Variants in MBNL1 observed in about 807,000 individuals in gnomAD.
The protein encoded by MBNL1 is muscleblind-like protein 1.
A neutral mutation model predicts 42.2 loss-of-function variants in MBNL1; 8 were observed. That is an observed-to-expected ratio of 0.19 (90% CI 0.11 to 0.34). The LOEUF is 0.34. MBNL1 is among the 10% of genes least tolerant of loss of function. The pLI is 1.00. For missense variants in MBNL1, 309 were observed against 495.3 expected (o/e 0.62, Z 3.57); for synonymous variants, 169 against 173.9 (o/e 0.97, Z 0.22).
At chr3:152,394,031 T>G (rs1199937966) in intron 2 of MBNL1, among the ~76,000 whole-genome samples, 4 of 152,188 alleles carry the variant, frequency 2.6e-5, no homozygotes, top group African/African-American at 4.8e-5. Flanking sequence ...ATCACTGACA[T>G]TCAGTTCATC....
At chr3:152,250,462 T>C (rs960750572) in intron 2 of MBNL1, among the ~76,000 whole-genome samples, 5 of 152,050 alleles carry the variant, frequency 3.3e-5, no homozygotes, top group African/African-American at 1.2e-4. Context: ...TTTTTGTGCA[T>C]TGATTTTGTA....
chr3:152,318,225 A>G (rs141434550), intron 2 of MBNL1, among the ~76,000 whole-genome samples: 92 of 152,336 alleles, frequency 6.0e-4, no homozygotes, highest in Non-Finnish European at 1.0e-3. Context: ...TGTTCTAGAG[A>G]AAAACAGGTC....
intron 4 of MBNL1, among the ~76,000 whole-genome samples, chr3:152,434,649 A>C (rs1294881111): frequency 6.6e-6 from 1 of 152,208 alleles, no homozygotes; most frequent in African/African-American, 2.4e-5. Flanking sequence ...TGGTTGAATT[A>C]ATTTGCACTC....
In MBNL1 at chr3:152,412,440, A is replaced by ATG. The variant is rs2098603463; in HGVS notation, c.175-2500_175-2499insGT. 2.0e-5 allele frequency among the ~76,000 whole-genome samples: 3 copies of ATG among 152,154 alleles called. No homozygotes were observed. In the South Asian group the frequency reaches 6.2e-4, roughly 32 times the overall value. On this transcript the variant is annotated intron_variant, in intron 2 of 9. Transcript: ENST00000324210. ...CTGTGGGAGAGTCTTGGTAGTCTGT[A>ATG]TACGTTCTCACCAAATATCAGTTGA...
At chr3:152,273,905 A>G (rs1489693169) in intron 1 of MBNL1, among the ~76,000 whole-genome samples, 1 of 152,218 alleles carries the variant, frequency 6.6e-6, no homozygotes, top group African/African-American at 2.4e-5. Context: ...TATGTAACGC[A>G]TGCATGAGCA....
chr3:152,332,457 AT>A (rs1275243616), intron 2 of MBNL1, among the ~76,000 whole-genome samples: 1 of 152,196 alleles, frequency 6.6e-6, no homozygotes. Context: ...TTGTCTAGCA[AT>A]TAGGTACAGA....
intron 2 of MBNL1, among the ~76,000 whole-genome samples, chr3:152,389,644 T>C (rs1219899918): frequency 6.6e-6 from 1 of 152,122 alleles, no homozygotes; most frequent in Non-Finnish European, 1.5e-5. Context: ...AAAGGCACAG[T>C]AAACATATGG....
chr3:152,267,817 G>C (rs1185921870), upstream of MBNL1: 4 of 152,100 alleles, frequency 2.6e-5, no homozygotes, highest in Admixed American at 2.0e-4. Context: ...CCTTCACCTC[G>C]AGCTGGCCTC....
chr3:152,350,332 G>A (rs1049015345), intron 2 of MBNL1, among the ~76,000 whole-genome samples: 1 of 151,952 alleles, frequency 6.6e-6, no homozygotes, highest in Admixed American at 6.6e-5. Flanking sequence ...GAGAGAGGAG[G>A]TAGAATTCAG....
At chr3:152,419,877 C>T (rs151040238) in intron 3 of MBNL1, among the ~76,000 whole-genome samples, 25 of 152,258 alleles carry the variant, frequency 1.6e-4, no homozygotes, top group Non-Finnish European at 2.6e-4. Flanking sequence ...GAAATTCTTG[C>T]TGCCAGCACC....
chr3:152,429,746 T>C (rs1580303806), intron 3 of MBNL1, among the ~76,000 whole-genome samples: 1 of 152,240 alleles, frequency 6.6e-6, no homozygotes, highest in East Asian at 1.9e-4. Flanking sequence ...TAAAGTGATG[T>C]AACAAATTTA....
intron 1 of MBNL1, among the ~76,000 whole-genome samples, chr3:152,278,777 A>G (rs1024337233): frequency 6.6e-6 from 1 of 152,152 alleles, no homozygotes; most frequent in Non-Finnish European, 1.5e-5. Context: ...TGTTTTGCTA[A>G]ATAATCAGTT....
At chr3:152,269,405 C>A in intron 1 of MBNL1, 2 of 384,320 alleles carry the variant, frequency 5.2e-6, no homozygotes, top group Non-Finnish European at 1.0e-5. Flanking sequence ...AGAAGAGAAA[C>A]AGGTGCGTGC....
chr3:152,331,227 CT>C (rs1248980988), intron 2 of MBNL1, among the ~76,000 whole-genome samples: 2 of 151,922 alleles, frequency 1.3e-5, no homozygotes, highest in African/African-American at 4.8e-5. Context: ...CACCCTGCCC[CT>C]GGGCATAACT....
At chr3:152,318,660 C>T (rs988880075) in intron 2 of MBNL1, among the ~76,000 whole-genome samples, 3 of 152,138 alleles carry the variant, frequency 2.0e-5, no homozygotes, top group African/African-American at 7.2e-5. Context: ...ACTGTTCACC[C>T]AGAGACATAG....
intron 6 of MBNL1, among the ~76,000 whole-genome samples, chr3:152,449,779 T>C (rs1718272075): frequency 6.6e-6 from 1 of 152,244 alleles, no homozygotes; most frequent in South Asian, 2.1e-4. Context: ...TGATGCATTT[T>C]GCATCAGAGA....
chr3:152,270,072 G>T (rs891291355), intron 1 of MBNL1, among the ~76,000 whole-genome samples: 2 of 152,042 alleles, frequency 1.3e-5, no homozygotes, highest in Non-Finnish European at 2.9e-5. Context: ...GGGTGTTGCT[G>T]CCAGAGTAAT....
At chr3:152,253,049 C>T (rs2034899391) in intron 2 of MBNL1, among the ~76,000 whole-genome samples, 1 of 152,106 alleles carries the variant, frequency 6.6e-6, no homozygotes, top group Non-Finnish European at 1.5e-5. Context: ...GACATCCACC[C>T]TTATAACCCT....
At chr3:152,268,713 G>A (rs2038016744), upstream of MBNL1, 1 of 454,366 alleles carries the variant, frequency 2.2e-6, no homozygotes, top group Admixed American at 2.4e-5. Context: ...CCGCTCTTGC[G>A]GGCTCTGTCC....
Sources: allele counts gnomAD v4.1 joint callset (sites outside exome capture counted in the v4.1 genomes callset), GRCh38; gene constraint gnomAD v4.1.1; transcripts MANE v1.5; gene names NCBI Gene and HGNC (gene_info 2026-07-23, HGNC 2026-07-21).